Variants in CHL1 observed in about 807,000 individuals in gnomAD.
CHL1 encodes the protein neural cell adhesion molecule L1-like protein.
In CHL1, 96 loss-of-function variants were observed where a neutral mutation model predicts 141.9. The observed-to-expected ratio is 0.68, with a 90% CI of 0.57 to 0.80. The LOEUF is 0.80. Ranked by LOEUF, CHL1 falls within the 30% of genes least tolerant of loss-of-function variation. The probability of loss-of-function intolerance (pLI) is 0.00; values close to 1 mark genes in which losing one functional copy is unlikely to be tolerated. For missense variants in CHL1, 1,820 were observed against 1,457.2 expected (o/e 1.25, Z -4.05); for synonymous variants, 613 against 502.2 (o/e 1.22, Z -2.95).
rs560711888 is a variant in CHL1 at position 347,352 on chromosome 3, A to C, written c.849-2007A>C. The stretch of plus-strand genomic sequence containing the variant: ...AGCAATATATTTTCCCTCAAAACAC[A>C]TTGCTTAAATGCTGTTAGTAAATGT... On this transcript the variant is annotated intron_variant, in intron 9 of 27. Transcript: ENST00000256509. Among the ~76,000 whole-genome samples, 9 of 152,310 alleles carry C rather than the reference A, an allele frequency of 5.9e-5. No individual in the cohort carries two copies. In the East Asian group the frequency reaches 1.7e-3, roughly 29 times the overall value.
At chr3:353,216 C>G (rs1575142294) in intron 10 of CHL1, among the ~76,000 whole-genome samples, 1 of 152,118 alleles carries the variant, frequency 6.6e-6, no homozygotes, top group Non-Finnish European at 1.5e-5. Flanking sequence ...GCTTGATTTT[C>G]TTTATTTCTG....
At chr3:230,386 C>G (rs1195662974) in intron 1 of CHL1, among the ~76,000 whole-genome samples, 1 of 152,202 alleles carries the variant, frequency 6.6e-6, no homozygotes, top group Non-Finnish European at 1.5e-5. Context: ...TTCACACATT[C>G]ATAACAAACC....
chr3:232,420 A>C (rs1221909195), intron 1 of CHL1, among the ~76,000 whole-genome samples: 2 of 152,180 alleles, frequency 1.3e-5, no homozygotes, highest in Non-Finnish European at 2.9e-5. Flanking sequence ...TTAGAAGTTT[A>C]ATAATTAAGG....
chr3:207,187 T>A (rs1328369346), intron 1 of CHL1, among the ~76,000 whole-genome samples: 1 of 152,264 alleles, frequency 6.6e-6, no homozygotes, highest in East Asian at 1.9e-4. Flanking sequence ...CATGTATTTT[T>A]AAGATATGCA....
At chr3:365,715 A>G (rs1421446882) in intron 14 of CHL1, among the ~76,000 whole-genome samples, 1 of 152,220 alleles carries the variant, frequency 6.6e-6, no homozygotes. Flanking sequence ...CCAAGAAATA[A>G]TGAGGGAAAT....
chr3:303,982 T>C (rs1213151495), intron 2 of CHL1, among the ~76,000 whole-genome samples: 1 of 152,226 alleles, frequency 6.6e-6, no homozygotes, highest in Non-Finnish European at 1.5e-5. Context: ...ATTGAGATAA[T>C]CATGTGGCTT....
intron 1 of CHL1, among the ~76,000 whole-genome samples, chr3:231,785 T>C (rs941166514): frequency 2.6e-4 from 40 of 151,820 alleles, no homozygotes; most frequent in African/African-American, 2.2e-4. Context: ...CCATGTTGGC[T>C]AGGCTGGTCT....
rs892365383 is a variant in CHL1 at position 409,266 on chromosome 3, G to A, written c.*3555G>A. 6 of 151,960 alleles carry A rather than the reference G, an allele frequency of 3.9e-5. No homozygotes were observed. Among genetic ancestry groups the A allele is most frequent in the Non-Finnish European group, 5.9e-5 (4 of 67,958 alleles). 9.4% of individuals were successfully genotyped at this position (151,960 alleles called of 1,614,324 possible). ...CGTGATTACCTTTTTCTTTTGGCTT[G>A]GATTAATATTCATAGTAGAACTTTA... is the stretch of plus-strand genomic sequence containing the variant. On this transcript the variant is annotated 3_prime_UTR_variant, in exon 28 of 28. Coordinates refer to ENST00000256509, the MANE Select transcript of CHL1 (RefSeq NM_006614.4).
intron 2 of CHL1, among the ~76,000 whole-genome samples, chr3:258,753 G>C (rs903319409): frequency 6.6e-6 from 1 of 152,060 alleles, no homozygotes; most frequent in Non-Finnish European, 1.5e-5. Context: ...GCTTCAGTGG[G>C]ACAAACGAAA....
intron 3 of CHL1, among the ~76,000 whole-genome samples, chr3:322,513 C>T (rs1700648949): frequency 6.6e-6 from 1 of 150,650 alleles, no homozygotes. Flanking sequence ...TCTGATGATA[C>T]AAAAGTAATG....
At chr3:249,819 G>C (rs1191594519) in intron 2 of CHL1, among the ~76,000 whole-genome samples, 3 of 151,996 alleles carry the variant, frequency 2.0e-5, no homozygotes, top group South Asian at 2.1e-4. Flanking sequence ...AATTTTTGTT[G>C]TTTCAGTACA....
chr3:375,171 C>T (rs1054582523), intron 15 of CHL1, among the ~76,000 whole-genome samples: 6 of 152,166 alleles, frequency 3.9e-5, no homozygotes, highest in Admixed American at 2.6e-4. Flanking sequence ...ATAGACCATA[C>T]AGGCTATAGA....
chr3:203,213 T>G (rs1306123430), intron 1 of CHL1, among the ~76,000 whole-genome samples: 2 of 152,286 alleles, frequency 1.3e-5, no homozygotes, highest in Non-Finnish European at 2.9e-5. Flanking sequence ...TCCCTTGGAC[T>G]TTGAACACCG....
At chr3:217,187 A>C (rs963850908) in intron 1 of CHL1, among the ~76,000 whole-genome samples, 1 of 152,114 alleles carries the variant, frequency 6.6e-6, no homozygotes, top group Admixed American at 6.6e-5. Flanking sequence ...AACAGAAAAA[A>C]AATTACCCAT....
chr3:293,532 A>G (rs1215318255), intron 2 of CHL1, among the ~76,000 whole-genome samples: 6 of 152,100 alleles, frequency 3.9e-5, no homozygotes, highest in Non-Finnish European at 5.9e-5. Context: ...CCCTAATTGA[A>G]TCTTTCCCCC....
intron 2 of CHL1, among the ~76,000 whole-genome samples, chr3:263,781 T>C (rs1694932113): frequency 6.6e-6 from 1 of 152,236 alleles, no homozygotes; most frequent in African/African-American, 2.4e-5. Flanking sequence ...ACATCTATAT[T>C]GGCCTAGGGA....
At chr3:258,120 T>C (rs1694352197) in intron 2 of CHL1, among the ~76,000 whole-genome samples, 1 of 152,192 alleles carries the variant, frequency 6.6e-6, no homozygotes, top group Non-Finnish European at 1.5e-5. Flanking sequence ...GCCCTTTTAA[T>C]GGCCAACTGC....
chr3:212,440 C>G lies in CHL1; in HGVS notation c.-175+15377C>G, dbSNP rs775911945. ...CAATACACTGAGATTTATTTCTTCACTCACCATTCTGGAAAATTCCTTGTT... is the reference window on the plus strand; with the variant it reads ...CAATACACTGAGATTTATTTCTTCAGTCACCATTCTGGAAAATTCCTTGTT... On this transcript the variant is annotated intron_variant, in intron 1 of 27. Transcript: ENST00000256509. Among the ~76,000 whole-genome samples, 4 of 152,170 alleles carry G rather than the reference C, an allele frequency of 2.6e-5. No individual in the cohort carries two copies. The South Asian group carries it at 6.2e-4, about 24-fold the overall frequency.
At chr3:330,842 T>A (rs1421821441) in intron 5 of CHL1, among the ~76,000 whole-genome samples, 1 of 152,150 alleles carries the variant, frequency 6.6e-6, no homozygotes, top group Non-Finnish European at 1.5e-5. Flanking sequence ...ATTCAGGAAT[T>A]AAGCCATTAT....
Sources: gnomAD v4.1 joint callset for allele counts (sites outside exome capture counted in the v4.1 genomes callset) on GRCh38, gnomAD v4.1.1 for gene constraint, MANE v1.5 for transcripts, NCBI Gene and HGNC (gene_info 2026-07-23, HGNC 2026-07-21) for gene names.